Variants in CRTAC1 observed in about 807,000 individuals in gnomAD.
CRTAC1 encodes the protein cartilage acidic protein 1, also known as acidic secreted protein in cartilage.
A neutral mutation model predicts 67.8 loss-of-function variants in CRTAC1; 37 were observed. That is an observed-to-expected ratio of 0.55 (90% CI 0.42 to 0.72). The LOEUF (loss-of-function observed/expected upper bound fraction) is 0.72. Ranked by LOEUF, CRTAC1 falls within the 30% of genes least tolerant of loss-of-function variation. The pLI is 0.00. For missense variants in CRTAC1, 780 were observed against 931.6 expected (o/e 0.84, Z 2.12); for synonymous variants, 348 against 371.0 (o/e 0.94, Z 0.71).
At chr10:97,965,906 G>T (rs1287674891) in intron 2 of CRTAC1, among the ~76,000 whole-genome samples, 1 of 152,188 alleles carries the variant, frequency 6.6e-6, no homozygotes, top group Admixed American at 6.5e-5. Context: ...GGTTCTGATG[G>T]AGGTGGAGAT....
At chr10:97,958,728 G>GT (rs1306650205) in intron 2 of CRTAC1, among the ~76,000 whole-genome samples, 1 of 152,080 alleles carries the variant, frequency 6.6e-6, no homozygotes, top group African/African-American at 2.4e-5. Context: ...AGGTTATAAT[G>GT]GCCACAGCCA....
chr10:97,896,993 T>A lies in CRTAC1; in HGVS notation c.1134-2A>T, dbSNP rs773538751. 13 of 1,554,484 alleles carry A rather than the reference T, an allele frequency of 8.4e-6. No homozygotes were observed. Among genetic ancestry groups the A allele is most frequent in the Non-Finnish European group, 1.1e-5 (13 of 1,148,128 alleles). ...TCTCCGTGCTCTCTACGGATGACGC[T>A]GCAGGAGAGGAGACAGGCTTGCTCT... On this transcript the variant is annotated splice_acceptor_variant, in intron 8 of 14. Transcript: ENST00000370597. LOFTEE classifies it high-confidence loss of function.
At chr10:97,984,834 G>C (rs980231460) in intron 2 of CRTAC1, among the ~76,000 whole-genome samples, 1 of 152,216 alleles carries the variant, frequency 6.6e-6, no homozygotes, top group African/African-American at 2.4e-5. Context: ...CTATGGGGGA[G>C]CTCACTAGTT....
At chr10:97,963,174 A>C (rs546277949) in intron 2 of CRTAC1, among the ~76,000 whole-genome samples, 1 of 152,096 alleles carries the variant, frequency 6.6e-6, no homozygotes, top group African/African-American at 2.4e-5. Flanking sequence ...TGTCCAGTGC[A>C]CCCCTAAAAC....
Position 97,895,902 on chromosome 10 carries a change from C to A in CRTAC1, c.1300G>T (p.Val434Phe), listed in dbSNP as rs147584793. The A allele has an allele frequency of 1.9e-6, 3 of 1,613,206 alleles. No homozygotes were observed. The highest frequency in any genetic ancestry group is 1.7e-6 in the Non-Finnish European group (2 of 1,179,262). Residue 434 changes from valine to phenylalanine, a missense_variant, in exon 10 of 15, where the codon GTC becomes TTC. Val to Phe is a conservative substitution (Grantham distance 50). Transcript: ENST00000370597. This position sits in a 1 kb window ranked among gnomAD's most constrained non-coding sequence, Gnocchi z 4.2. ...HGESMAQPLS[V>F]FRGNQGFNNN... The stretch of plus-strand genomic sequence containing the variant: ...TAGCGCACCTGATTGCCCCGGAAGA[C>A]GGACAGCGGCTGAGCCATGGACTCT...
chr10:97,940,694 GAC>G, intron 2 of CRTAC1, among the ~76,000 whole-genome samples: 1 of 152,334 alleles, frequency 6.6e-6, no homozygotes, highest in Admixed American at 6.5e-5. Flanking sequence ...CTCCTGGTCT[GAC>G]CCCAAGCTTG....
chr10:97,955,299 C>T (rs1169671597), intron 2 of CRTAC1, among the ~76,000 whole-genome samples: 7 of 152,216 alleles, frequency 4.6e-5, no homozygotes, highest in African/African-American at 1.7e-4. Context: ...GGGCTCTGGG[C>T]CCCTAAACCC....
At position 98,029,488 on chromosome 10, in the gene CRTAC1, A is replaced by AGCGGCGGCG. The variant is rs796585183; in HGVS notation, c.24+960_24+961insCGCCGCCGC. On this transcript the variant is annotated intron_variant, in intron 1 of 14. Coordinates refer to ENST00000370597, the MANE Select transcript of CRTAC1 (RefSeq NM_018058.7). The surrounding 1 kb of genome is among the most constrained non-coding windows in gnomAD (Gnocchi z 4.7). ...CACACTGGGTGCACCCACCAGCAGC[A>AGCGGCGGCG]GCAGCGGCGGCGGCGGCGGCGGCGG... 0.085 allele frequency among the ~76,000 whole-genome samples: 10,322 copies of AGCGGCGGCG among 122,084 alleles called. 481 individuals carry two copies. The highest frequency in any genetic ancestry group is 0.17 in the South Asian group (687 of 4,124). The allele number at this position is 122,084 out of a possible 152,430, so 80.1% of individuals were successfully genotyped here.
chr10:97,887,034 T>C (rs758191946), intron 11 of CRTAC1, among the ~76,000 whole-genome samples: 1 of 151,804 alleles, frequency 6.6e-6, no homozygotes, highest in African/African-American at 2.4e-5. Flanking sequence ...CCAAGTTAAG[T>C]GGCACATATA....
chr10:97,919,763 A>G (rs1397356582), intron 4 of CRTAC1, among the ~76,000 whole-genome samples: 1 of 53,742 alleles, frequency 1.9e-5, no homozygotes, highest in Non-Finnish European at 4.1e-5. Context: ...ACTGCTTTAC[A>G]GTACAGCCTT....
intron 2 of CRTAC1, among the ~76,000 whole-genome samples, chr10:97,981,146 C>A (rs1161767138): frequency 1.3e-5 from 2 of 151,950 alleles, no homozygotes; most frequent in Admixed American, 6.6e-5. Flanking sequence ...ATCTGAAATG[C>A]TGAAAAAAAT....
intron 5 of CRTAC1, 111 bp downstream of exon 5, chr10:97,917,389 A>G: frequency 1.1e-6 from 1 of 897,100 alleles, no homozygotes; most frequent in South Asian, 3.8e-5. Flanking sequence ...CACCAGGGAC[A>G]TAAGGCCACC....
intron 11 of CRTAC1, among the ~76,000 whole-genome samples, chr10:97,886,512 CCTTA>C (rs1468699540): frequency 6.6e-6 from 1 of 152,254 alleles, no homozygotes; most frequent in Non-Finnish European, 1.5e-5. Context: ...CCAGGCCCAA[CCTTA>C]CCGTTCTGGG....
chr10:97,883,378 T>C (rs918810130), intron 12 of CRTAC1, among the ~76,000 whole-genome samples: 2 of 152,222 alleles, frequency 1.3e-5, no homozygotes, highest in African/African-American at 4.8e-5. Flanking sequence ...GAGCCGGCCC[T>C]GCCAGGCTGT....
Position 97,892,684 on chromosome 10 carries a change from G to A in CRTAC1, c.1486+2561C>T, listed in dbSNP as rs540123842. ...AGGCAAACCACTCAGCCCAGTGCCTGGCACATACTAATTGCTTGATAAGTG... is the reference window on the plus strand; with the variant it reads ...AGGCAAACCACTCAGCCCAGTGCCTAGCACATACTAATTGCTTGATAAGTG... On this transcript the variant is annotated intron_variant, in intron 11 of 14. Coordinates refer to ENST00000370597, the MANE Select transcript of CRTAC1 (RefSeq NM_018058.7). 2.0e-5 allele frequency among the ~76,000 whole-genome samples: 3 copies of A among 152,336 alleles called. No homozygotes were observed. In the East Asian group the frequency reaches 5.8e-4, roughly 29 times the overall value.
At chr10:98,016,171 A>G (rs888894096) in intron 1 of CRTAC1, among the ~76,000 whole-genome samples, 11 of 152,180 alleles carry the variant, frequency 7.2e-5, no homozygotes, top group African/African-American at 2.7e-4. Context: ...GGGTCAGGTC[A>G]AGGAGATGAA....
chr10:97,981,292 C>T (rs2051887318), intron 2 of CRTAC1, among the ~76,000 whole-genome samples: 1 of 152,170 alleles, frequency 6.6e-6, no homozygotes, highest in Non-Finnish European at 1.5e-5. Context: ...AACCTCTAAA[C>T]CATCCACCTA....
At chr10:97,881,544 C>T (rs2050214783) in intron 13 of CRTAC1, among the ~76,000 whole-genome samples, 2 of 152,202 alleles carry the variant, frequency 1.3e-5, no homozygotes, top group South Asian at 4.1e-4. Flanking sequence ...TGGCACTTGG[C>T]CTACATCCCC....
At chr10:98,019,306 A>C (rs982874831) in intron 1 of CRTAC1, among the ~76,000 whole-genome samples, 1 of 152,096 alleles carries the variant, frequency 6.6e-6, no homozygotes, top group Non-Finnish European at 1.5e-5. Context: ...ATTTCCCCAC[A>C]TTGCATGTTT....
Sources: allele counts gnomAD v4.1 joint callset (sites outside exome capture counted in the v4.1 genomes callset), GRCh38; gene constraint gnomAD v4.1.1; non-coding constraint Gnocchi (gnomAD v3.1); transcripts MANE v1.5; gene names NCBI Gene and HGNC (gene_info 2026-07-23, HGNC 2026-07-21).